The following AKAP13 variants were observed in gnomAD, a reference collection of about 807,000 sequenced individuals.
AKAP13 encodes A-kinase anchoring protein 13.
AKAP13 carries 80 observed loss-of-function variants against 264.5 expected under a neutral mutation model. That is an observed-to-expected ratio of 0.30 (90% CI 0.25 to 0.36). The LOEUF (loss-of-function observed/expected upper bound fraction) is 0.36, where lower values mean the gene tolerates loss of function less well. Ranked by LOEUF, AKAP13 falls within the 10% of genes least tolerant of loss-of-function variation. AKAP13 has a pLI of 1.00. For missense variants in AKAP13, 3,712 were observed against 3,435.2 expected, an observed-to-expected ratio of 1.08 and a Z score of -2.01; for synonymous variants, 1,380 against 1,250.2, an observed-to-expected ratio of 1.10 and a Z score of -2.19.
chr15:85,578,056 G>A (rs1254579426), intron 6 of AKAP13, among the ~76,000 whole-genome samples: 1 of 152,192 alleles, frequency 6.6e-6, no homozygotes, highest in Non-Finnish European at 1.5e-5. Context: ...ACCAAGGTAG[G>A]AGGATCCCAT....
intron 8 of AKAP13, among the ~76,000 whole-genome samples, chr15:85,591,007 G>C (rs938872197): frequency 6.6e-6 from 1 of 152,150 alleles, no homozygotes; most frequent in Non-Finnish European, 1.5e-5. Context: ...TGTTATAAAA[G>C]CTTCAGGAAT....
chr15:85,744,526 A>T, intron 36 of AKAP13, 102 bp from the exon 37 acceptor site: 1 of 1,255,778 alleles, frequency 8.0e-7, no homozygotes, highest in Non-Finnish European at 1.2e-6. Context: ...CATAAGCCCC[A>T]GTCGCCTGTT....
chr15:85,705,648 A>T (rs1368489337), intron 17 of AKAP13, among the ~76,000 whole-genome samples: 1 of 152,226 alleles, frequency 6.6e-6, no homozygotes, highest in Non-Finnish European at 1.5e-5. Flanking sequence ...AAAAATGTTA[A>T]TACAAAGTAT....
chr15:85,606,905 A>G (rs912910012), intron 8 of AKAP13, among the ~76,000 whole-genome samples: 3 of 152,104 alleles, frequency 2.0e-5, no homozygotes, highest in Non-Finnish European at 4.4e-5. Flanking sequence ...CTTTACCCCA[A>G]TGGGTCACAC....
At position 85,638,235 on chromosome 15, in the gene AKAP13, T is replaced by G. The variant is rs182656078; in HGVS notation, c.4162-1139T>G. ...ATTTGAGTTTTTCCCCAGTATCTTT[T>G]GTTTTGGATTTCTGATTTAATACTG... On this transcript the variant is annotated intron_variant, in intron 8 of 36. Transcript: ENST00000394518. Among the ~76,000 whole-genome samples the G allele has an allele frequency of 6.3e-4, 96 of 152,306 alleles. 2 individuals are homozygous for G. In the East Asian group the frequency reaches 0.015, roughly 23 times the overall value.
In AKAP13 at chr15:85,743,824, T is replaced by G. The variant is rs1567227733; in HGVS notation, c.8391T>G (p.Gly2797=). The G allele has an allele frequency of 1.2e-6, 2 of 1,607,514 alleles. No homozygotes were observed. The highest frequency in any genetic ancestry group is 1.7e-6 in the Non-Finnish European group (2 of 1,177,206). The change falls in exon 36 of 37, where the codon GGT becomes GGG. Residue 2797 remains glycine, a splice_region_variant and synonymous_variant. Coordinates refer to ENST00000394518, the MANE Select transcript of AKAP13 (RefSeq NM_007200.5). The part of the protein sequence containing the change: ...KKNKTSRSQP[G]DGPASEVSAE... ...ACAAAACCAGCCGCTCTCAGCCCGG[T>G]GGTGAGTCACGCACACCTGCTCTCC...
Position 85,743,472 on chromosome 15 carries a change from C to T in AKAP13, c.8059-20C>T, listed in dbSNP as rs754045801. On this transcript the variant is annotated intron_variant, in intron 35 of 36. Coordinates refer to ENST00000394518, the MANE Select transcript of AKAP13 (RefSeq NM_007200.5). Reference sequence around the variant, plus strand: ...CGCTGACAGCCTCCAAGTGAAAACCCTTCTCTTGAATATGTACAGGTTTCC... The same window carrying T: ...CGCTGACAGCCTCCAAGTGAAAACCTTTCTCTTGAATATGTACAGGTTTCC... 2.5e-6 allele frequency: 4 copies of T among 1,603,604 alleles called. No homozygotes were observed. In the South Asian group the frequency reaches 3.3e-5, roughly 13 times the overall value.
Position 85,608,389 on chromosome 15 carries a change from G to C in AKAP13, c.4161+22566G>C, listed in dbSNP as rs141045763. On this transcript the variant is annotated intron_variant, in intron 8 of 36. Coordinates refer to ENST00000394518, the MANE Select transcript of AKAP13 (RefSeq NM_007200.5). ...GTGGTGGTAAACGAAGACATTATTAGTTATTCATCTCACCTTGGATGTATC... is the reference window on the plus strand; with the variant it reads ...GTGGTGGTAAACGAAGACATTATTACTTATTCATCTCACCTTGGATGTATC... Among the ~76,000 whole-genome samples the C allele has an allele frequency of 1.1e-4, 16 of 152,312 alleles. 1 individual carries two copies. In the East Asian group the frequency reaches 3.1e-3, roughly 29 times the overall value.
At chr15:85,381,678 A>G (rs1400612327) in intron 1 of AKAP13, 1 of 151,636 alleles carries the variant, frequency 6.6e-6, no homozygotes, top group Non-Finnish European at 1.5e-5. Context: ...GTCCCATTTA[A>G]TTTTCTAGAT....
intron 3 of AKAP13, among the ~76,000 whole-genome samples, chr15:85,523,813 C>G (rs1037324254): frequency 1.3e-5 from 2 of 151,676 alleles, no homozygotes; most frequent in Non-Finnish European, 2.9e-5. Context: ...CTCCCCGCCC[C>G]CCTTTTTTTG....
At chr15:85,698,967 A>T (rs1031958285) in intron 17 of AKAP13, among the ~76,000 whole-genome samples, 1 of 151,186 alleles carries the variant, frequency 6.6e-6, no homozygotes, top group South Asian at 2.1e-4. Context: ...AAAAAAAAAA[A>T]AAATTTACAA....
At chr15:85,690,421 A>G (rs1262696007) in intron 16 of AKAP13, among the ~76,000 whole-genome samples, 1 of 152,236 alleles carries the variant, frequency 6.6e-6, no homozygotes, top group Non-Finnish European at 1.5e-5. Context: ...AATTATTTGA[A>G]AAAACCCAAA....
At chr15:85,667,147 A>G (rs2083649878) in intron 13 of AKAP13, among the ~76,000 whole-genome samples, 1 of 152,242 alleles carries the variant, frequency 6.6e-6, no homozygotes, top group African/African-American at 2.4e-5. Flanking sequence ...TTTGCTGAGT[A>G]GGACTTTGTG....
At chr15:85,671,694 A>G (rs1270342673) in intron 14 of AKAP13, among the ~76,000 whole-genome samples, 1 of 151,830 alleles carries the variant, frequency 6.6e-6, no homozygotes, top group Non-Finnish European at 1.5e-5. Flanking sequence ...TATAGAATGG[A>G]AAGTACAATT....
chr15:85,513,514 CTGT>C (rs2151129924), intron 2 of AKAP13, among the ~76,000 whole-genome samples: 2 of 152,262 alleles, frequency 1.3e-5, no homozygotes, highest in South Asian at 4.1e-4. Flanking sequence ...AGGGCAACAC[CTGT>C]TGTTAACATC....
At chr15:85,425,715 CAAA>C (rs35591622) in intron 1 of AKAP13, among the ~76,000 whole-genome samples, 9 of 92,682 alleles carry the variant, frequency 9.7e-5, no homozygotes, top group Admixed American at 1.2e-4. Context: ...GACTCTGTCT[CAAA>C]AAAAAAAAAA....
At chr15:85,499,788 C>G (rs1177728540) in intron 2 of AKAP13, among the ~76,000 whole-genome samples, 15 of 152,136 alleles carry the variant, frequency 9.9e-5, no homozygotes. Flanking sequence ...TCCTATGCCC[C>G]GGCTACTCTG....
chr15:85,521,596 C>G (rs1298004305), intron 3 of AKAP13, 21 bp downstream of exon 3: 15 of 1,610,640 alleles, frequency 9.3e-6, no homozygotes, highest in Non-Finnish European at 1.3e-5. Flanking sequence ...GAATGGGATC[C>G]TTACTAGCTT....
rs933777670 is a variant in AKAP13 at position 85,723,146 on chromosome 15, A to G, written c.6571A>G (p.Lys2191Glu). 3.1e-6 allele frequency: 5 copies of G among 1,614,080 alleles called. No homozygotes were observed. The highest frequency in any genetic ancestry group is 4.2e-6 in the Non-Finnish European group (5 of 1,180,018). Residue 2191 changes from lysine to glutamate, a missense_variant, in exon 26 of 37, where the codon AAA becomes GAA. This residue lies in a region of AKAP13 where 342 missense variants were observed against 484.3 expected (regional missense o/e 0.71). Coordinates refer to ENST00000394518, the MANE Select transcript of AKAP13 (RefSeq NM_007200.5). ...VKDVIGAVDSKVASYEKKVRL... is the reference protein window; with the variant it reads ...VKDVIGAVDSEVASYEKKVRL... ...GGATGTGATTGGAGCTGTAGACAGC[A>G]AAGTGGCAAGTTATGAAAAGAAAGT...
Sources: allele counts gnomAD v4.1 joint callset (sites outside exome capture counted in the v4.1 genomes callset), GRCh38; gene constraint gnomAD v4.1.1; regional missense constraint gnomAD v4.1.1; transcripts MANE v1.5; gene names NCBI Gene and HGNC (gene_info 2026-07-23, HGNC 2026-07-21).